The following PTPRD variants were observed in gnomAD, a reference collection of about 807,000 sequenced individuals.
PTPRD encodes the protein protein tyrosine phosphatase receptor type D, also known as receptor-type tyrosine-protein phosphatase delta.
In PTPRD, 34 loss-of-function variants were observed where a neutral mutation model predicts 214.5. The observed-to-expected ratio is 0.16, with a 90% confidence interval of 0.12 to 0.21. PTPRD has a LOEUF of 0.21. Among genes scored for constraint, PTPRD ranks in the 10% least tolerant of loss-of-function variants. The pLI, the probability that PTPRD is intolerant of heterozygous loss-of-function variation, is 1.00. For synonymous variants in PTPRD, 1,128 were observed against 845.7 expected (o/e 1.33, Z -5.79); for missense variants, 2,545 against 2,398.7 (o/e 1.06, Z -1.27).
intron 10 of PTPRD, among the ~76,000 whole-genome samples, chr9:9,081,772 T>A (rs547387130): frequency 1.8e-4 from 27 of 152,042 alleles, no homozygotes; most frequent in Non-Finnish European, 3.5e-4. Flanking sequence ...TCTTTTTTGA[T>A]CTTTGTTGGT....
At chr9:9,846,418 ACTTTAT>A (rs772529388) in intron 5 of PTPRD, among the ~76,000 whole-genome samples, 2 of 152,168 alleles carry the variant, frequency 1.3e-5, no homozygotes, top group Non-Finnish European at 2.9e-5. Flanking sequence ...CACTCTCGAG[ACTTTAT>A]CTTTAGAGAA....
intron 3 of PTPRD, among the ~76,000 whole-genome samples, chr9:10,039,951 A>T (rs1241421771): frequency 6.6e-6 from 1 of 152,118 alleles, no homozygotes; most frequent in African/African-American, 2.4e-5. Context: ...GAAAATATTC[A>T]GAAGCTTAAA....
chr9:8,751,004 T>C (rs772880019), intron 11 of PTPRD, among the ~76,000 whole-genome samples: 2 of 152,194 alleles, frequency 1.3e-5, no homozygotes, highest in Non-Finnish European at 2.9e-5. Context: ...GACATAGCCA[T>C]TAAGCTCTAT....
chr9:9,195,783 G>C (rs1370989347), intron 9 of PTPRD, among the ~76,000 whole-genome samples: 1 of 151,024 alleles, frequency 6.6e-6, no homozygotes, highest in Non-Finnish European at 1.5e-5. Flanking sequence ...ATTATTTATA[G>C]TGCTTAAGGA....
At chr9:9,171,584 G>T (rs1428055302) in intron 10 of PTPRD, among the ~76,000 whole-genome samples, 1 of 151,846 alleles carries the variant, frequency 6.6e-6, no homozygotes, top group Non-Finnish European at 1.5e-5. Context: ...ATGAATACGT[G>T]GAAAGCAGTC....
At chr9:9,552,799 T>A (rs1232381071) in intron 8 of PTPRD, among the ~76,000 whole-genome samples, 5 of 152,130 alleles carry the variant, frequency 3.3e-5, no homozygotes, top group Non-Finnish European at 7.4e-5. Context: ...CATTCAGCAC[T>A]TTGCTTCATT....
chr9:9,402,318 G>A (rs931537767), intron 8 of PTPRD, among the ~76,000 whole-genome samples: 1 of 152,074 alleles, frequency 6.6e-6, no homozygotes, highest in Non-Finnish European at 1.5e-5. Flanking sequence ...TCTTAAAGAA[G>A]AGCCTTGGGA....
At chr9:10,482,465 G>T (rs566675777) in intron 2 of PTPRD, among the ~76,000 whole-genome samples, 1 of 151,724 alleles carries the variant, frequency 6.6e-6, no homozygotes, top group Non-Finnish European at 1.5e-5. Context: ...CATTCAAATT[G>T]GAAAAGTGGA....
At chr9:9,249,659 C>A (rs1487215611) in intron 9 of PTPRD, among the ~76,000 whole-genome samples, 1 of 152,028 alleles carries the variant, frequency 6.6e-6, no homozygotes, top group East Asian at 1.9e-4. Context: ...ACAGTTAGAA[C>A]CAACTGCTAA....
chr9:8,685,913 C>A (rs2097671439), intron 12 of PTPRD, among the ~76,000 whole-genome samples: 1 of 152,200 alleles, frequency 6.6e-6, no homozygotes, highest in African/African-American at 2.4e-5. Context: ...AAGACTCAAG[C>A]CAGATTGGAC....
At chr9:10,449,861 A>G (rs2098828359) in intron 2 of PTPRD, among the ~76,000 whole-genome samples, 1 of 151,802 alleles carries the variant, frequency 6.6e-6, no homozygotes, top group African/African-American at 2.4e-5. Flanking sequence ...TATAGAAAGA[A>G]GTAGACATAG....
chr9:8,778,964 C>T (rs911723246), intron 11 of PTPRD, among the ~76,000 whole-genome samples: 1 of 151,960 alleles, frequency 6.6e-6, no homozygotes, highest in Non-Finnish European at 1.5e-5. Flanking sequence ...TAAAAAGCAA[C>T]ACAATGATTC....
intron 7 of PTPRD, among the ~76,000 whole-genome samples, chr9:9,677,923 T>C (rs2096969683): frequency 6.6e-6 from 1 of 151,880 alleles, no homozygotes. Context: ...TACACACCAA[T>C]AACAGACAAA....
chr9:8,942,382 C>G (rs2099039452), intron 11 of PTPRD, among the ~76,000 whole-genome samples: 1 of 152,150 alleles, frequency 6.6e-6, no homozygotes, highest in African/African-American at 2.4e-5. Flanking sequence ...ATGAGGTGTA[C>G]TGTTTCACCT....
intron 9 of PTPRD, among the ~76,000 whole-genome samples, chr9:9,347,212 A>G (rs985308914): frequency 2.6e-5 from 4 of 151,742 alleles, no homozygotes; most frequent in African/African-American, 9.7e-5. Context: ...AGATGATTAG[A>G]TTTTATTTTA....
At chr9:9,182,320 G>T (rs1051325761) in intron 10 of PTPRD, among the ~76,000 whole-genome samples, 2 of 152,046 alleles carry the variant, frequency 1.3e-5, no homozygotes, top group African/African-American at 4.8e-5. Flanking sequence ...AAGATCAACA[G>T]GGGATAGGGA....
chr9:8,328,825 T>G (rs1313061748), intron 44 of PTPRD, among the ~76,000 whole-genome samples: 1 of 152,138 alleles, frequency 6.6e-6, no homozygotes, highest in Non-Finnish European at 1.5e-5. Flanking sequence ...ATTTGGCTAT[T>G]GATACTTGCG....
intron 8 of PTPRD, among the ~76,000 whole-genome samples, chr9:9,505,357 C>A (rs140472899): frequency 1.3e-5 from 2 of 151,376 alleles, no homozygotes; most frequent in Admixed American, 6.6e-5. Context: ...GTCTACTTTG[C>A]CATCAGAATT....
intron 30 of PTPRD, among the ~76,000 whole-genome samples, chr9:8,473,668 G>T (rs183103936): frequency 6.6e-6 from 1 of 151,806 alleles, no homozygotes; most frequent in Non-Finnish European, 1.5e-5. Flanking sequence ...CATACTTTGA[G>T]TTGCCATTCT....
Sources: allele counts gnomAD v4.1 joint callset (sites outside exome capture counted in the v4.1 genomes callset), GRCh38; gene constraint gnomAD v4.1.1; transcripts MANE v1.5; gene names NCBI Gene and HGNC (gene_info 2026-07-23, HGNC 2026-07-21).